Variants in TNNI3K observed in about 807,000 individuals in gnomAD.
The protein encoded by TNNI3K is TNNI3 interacting kinase.
TNNI3K carries 140 observed loss-of-function variants against 114.5 expected under a neutral mutation model. The observed-to-expected ratio is 1.22, with a 90% CI of 1.07 to 1.41. TNNI3K has a LOEUF of 1.41. TNNI3K is among the 40% of genes most tolerant of loss of function. TNNI3K has a pLI of 0.00. For synonymous variants in TNNI3K, 347 were observed against 347.5 expected (o/e 1.00, Z 0.02); for missense variants, 1,125 against 1,007.6 (o/e 1.12, Z -1.58).
chr1:74,338,468 C>A (rs1464070748), intron 7 of TNNI3K, among the ~76,000 whole-genome samples: 1 of 151,534 alleles, frequency 6.6e-6, no homozygotes, highest in African/African-American at 2.4e-5. Flanking sequence ...TTGCGTCTTG[C>A]CATTAAATTC....
At chr1:74,425,804 GA>G (rs1665610333) in intron 17 of TNNI3K, among the ~76,000 whole-genome samples, 1 of 152,104 alleles carries the variant, frequency 6.6e-6, no homozygotes, top group Admixed American at 6.6e-5. Flanking sequence ...AGAGAAGCAA[GA>G]AGGAGCTAGA....
intron 23 of TNNI3K, among the ~76,000 whole-genome samples, chr1:74,533,938 G>T (rs901899729): frequency 1.1e-4 from 17 of 152,142 alleles, no homozygotes; most frequent in Admixed American, 2.0e-4. Context: ...AAAAACTTTT[G>T]TTCAAGTTCA....
chr1:74,418,164 A>G (rs1268276054), intron 17 of TNNI3K: 5 of 454,114 alleles, frequency 1.1e-5, no homozygotes, highest in Non-Finnish European at 2.2e-5. Flanking sequence ...ACCCTCTCCT[A>G]TAGGGCTTCC....
Position 74,370,356 on chromosome 1 carries a change from A to G in TNNI3K, c.1736A>G (p.Asn579Ser), listed in dbSNP as rs1444575583. ...DVAKGMEYLHNLTQPIIHRDL... is the reference protein window; with the variant it reads ...DVAKGMEYLHSLTQPIIHRDL... ...GCCAAAGGCATGGAGTACCTTCACA[A>G]CCTGACACAGCCAATTATACATCGT... The change falls in exon 17 of 25, where the codon AAC (asparagine) becomes AGC (serine). Residue 579 changes from asparagine to serine, a missense_variant. Asn to Ser is a conservative substitution (Grantham distance 46, BLOSUM62 1). Coordinates refer to ENST00000326637, the MANE Select transcript of TNNI3K (RefSeq NM_015978.3). 1 of 1,607,926 alleles carries G rather than the reference A, an allele frequency of 6.2e-7. No individual in the cohort carries two copies. The highest frequency in any genetic ancestry group is 2.2e-5 in the East Asian group (1 of 44,634).
chr1:74,419,507 G>A (rs368378982), intron 17 of TNNI3K, among the ~76,000 whole-genome samples: 12 of 152,026 alleles, frequency 7.9e-5, no homozygotes, highest in Admixed American at 1.3e-4. Context: ...GCCAATCACC[G>A]ATTTGTGCTA....
At chr1:74,269,583 G>T (rs1656221852) in intron 4 of TNNI3K, among the ~76,000 whole-genome samples, 1 of 151,744 alleles carries the variant, frequency 6.6e-6, no homozygotes, top group African/African-American at 2.4e-5. Flanking sequence ...GTATAAGTCA[G>T]TTAAAACCAG....
Position 74,354,046 on chromosome 1 carries a change from A to T in TNNI3K, c.1094A>T (p.Asp365Val). The T allele has an allele frequency of 6.2e-7, 1 of 1,614,096 alleles. No homozygotes were observed. Among genetic ancestry groups the T allele is most frequent in the Non-Finnish European group, 8.5e-7 (1 of 1,180,000 alleles). Residue 365 changes from aspartate (D) to valine (V), a missense_variant, in exon 11 of 25, where the codon GAT becomes GTT. Asp to Val is a radical substitution (Grantham distance 152, BLOSUM62 -3). Coordinates refer to ENST00000326637, the MANE Select transcript of TNNI3K (RefSeq NM_015978.3). Reference sequence around the variant, plus strand: ...CAGTTCTTACTGGATAATGGAGCTGATATGAATCTAGTGGCTTGTGATCCC... The same window carrying T: ...CAGTTCTTACTGGATAATGGAGCTGTTATGAATCTAGTGGCTTGTGATCCC... ...LVQFLLDNGA[D>V]MNLVACDPSR...
At chr1:74,526,186 A>G (rs772446284) in intron 23 of TNNI3K, among the ~76,000 whole-genome samples, 11 of 152,242 alleles carry the variant, frequency 7.2e-5, no homozygotes, top group Admixed American at 3.3e-4. Flanking sequence ...CTTGTCATAA[A>G]GAACAAAGGA....
intron 17 of TNNI3K, chr1:74,375,254 A>G (rs1662847707): frequency 6.4e-6 from 1 of 157,204 alleles, no homozygotes; most frequent in Admixed American, 6.3e-5. Flanking sequence ...GAAAATTATG[A>G]CTGAAAGATC....
intron 5 of TNNI3K, 82 bp downstream of exon 5, chr1:74,271,790 C>G: frequency 8.5e-7 from 1 of 1,172,252 alleles, no homozygotes; most frequent in African/African-American, 1.5e-5. Flanking sequence ...GAAATACTGT[C>G]TTTGAGACTT....
chr1:74,514,248 G>T (rs1002827889), intron 23 of TNNI3K, among the ~76,000 whole-genome samples: 1 of 152,154 alleles, frequency 6.6e-6, no homozygotes, highest in Non-Finnish European at 1.5e-5. Flanking sequence ...TGACCAAAAT[G>T]CTAGGAGCAA....
intron 5 of TNNI3K, among the ~76,000 whole-genome samples, chr1:74,320,639 T>G (rs1054359965): frequency 1.3e-5 from 2 of 152,220 alleles, no homozygotes; most frequent in African/African-American, 4.8e-5. Context: ...TTGTCTTTTT[T>G]GTTTTATATT....
intron 24 of TNNI3K, chr1:74,541,542 A>C (rs3900513): frequency 2.0e-5 from 3 of 152,152 alleles, no homozygotes; most frequent in African/African-American, 4.8e-5. Flanking sequence ...TACAGATGTA[A>C]CTTCATAAAC....
intron 4 of TNNI3K, among the ~76,000 whole-genome samples, chr1:74,256,283 C>CTTTTTTTTTTTTTTTTTTTT (rs61636791): frequency 4.7e-5 from 2 of 42,780 alleles, no homozygotes; most frequent in South Asian, 1.4e-3. Context: ...TGTGGTCAGT[C>CTTTTTTTTTTTTTTTTTTTT]TTTTTTTTTT....
intron 17 of TNNI3K, among the ~76,000 whole-genome samples, chr1:74,410,754 G>A (rs792695): frequency 0.93 from 141,317 of 152,248 alleles, 65,602 homozygotes; most frequent in East Asian, 0.98. Context: ...GCCAGTAGGG[G>A]TCTTGAATTG....
chr1:74,327,408 T>C (rs1169744717), intron 5 of TNNI3K, among the ~76,000 whole-genome samples: 1 of 147,912 alleles, frequency 6.8e-6, no homozygotes, highest in Non-Finnish European at 1.5e-5. Context: ...ATAATATTTA[T>C]ATAGATATAT....
intron 20 of TNNI3K, among the ~76,000 whole-genome samples, chr1:74,443,939 G>T (rs776354296): frequency 3.9e-5 from 6 of 152,100 alleles, no homozygotes; most frequent in Non-Finnish European, 8.8e-5. Context: ...TTCAGAAAAG[G>T]TCTTTGATAC....
At chr1:74,377,514 T>A (rs1452583730) in intron 17 of TNNI3K, among the ~76,000 whole-genome samples, 2 of 151,976 alleles carry the variant, frequency 1.3e-5, no homozygotes, top group Non-Finnish European at 2.9e-5. Flanking sequence ...TACCAGACAA[T>A]TATATTGCAC....
intron 6 of TNNI3K, among the ~76,000 whole-genome samples, chr1:74,333,895 GA>G (rs1469242809): frequency 6.6e-6 from 1 of 152,176 alleles, no homozygotes; most frequent in East Asian, 1.9e-4. Context: ...TGTGTAAGTG[GA>G]AATATCTGCT....
Sources: allele counts gnomAD v4.1 joint callset (sites outside exome capture counted in the v4.1 genomes callset), GRCh38; gene constraint gnomAD v4.1.1; transcripts MANE v1.5; gene names NCBI Gene and HGNC (gene_info 2026-07-23, HGNC 2026-07-21).